Variants in MTA1 observed in about 807,000 individuals in gnomAD.
MTA1 encodes the protein metastasis-associated protein MTA1.
MTA1 carries 15 observed loss-of-function variants against 97.0 expected under a neutral mutation model. The ratio of observed to expected loss-of-function variants is 0.15; its 90% CI spans 0.10 to 0.24. The LOEUF is 0.24. MTA1 is among the 10% of genes least tolerant of loss of function. The pLI, the probability that MTA1 is intolerant of heterozygous loss-of-function variation, is 1.00. For missense variants in MTA1, 709 were observed against 1,015.1 expected, an observed-to-expected ratio of 0.70 and a Z score of 4.10; for synonymous variants, 435 against 417.5, an observed-to-expected ratio of 1.04 and a Z score of -0.51.
At chr14:105,423,903 G>C (rs898726015) in intron 1 of MTA1, among the ~76,000 whole-genome samples, 6 of 152,226 alleles carry the variant, frequency 3.9e-5, no homozygotes, top group African/African-American at 9.6e-5. Flanking sequence ...TGAGTGCACC[G>C]TGTCCCTAGG....
intron 6 of MTA1, among the ~76,000 whole-genome samples, chr14:105,453,150 G>A (rs1193931530): frequency 6.6e-6 from 1 of 152,268 alleles, no homozygotes; most frequent in Admixed American, 6.5e-5. Context: ...CAGCCTGGGG[G>A]CCCTGGTGTG....
intron 6 of MTA1, among the ~76,000 whole-genome samples, chr14:105,452,051 C>T (rs1317061012): frequency 1.4e-4 from 21 of 152,318 alleles, no homozygotes; most frequent in Non-Finnish European, 1.5e-4. Context: ...CTCTGCCTCC[C>T]GAACTGTTGG....
At chr14:105,454,104 C>T in intron 6 of MTA1, 89 bp from the exon 7 acceptor site, 1 of 983,920 alleles carries the variant, frequency 1.0e-6, no homozygotes, top group Non-Finnish European at 1.6e-6. Flanking sequence ...GCAAGACCCT[C>T]CCAGCAGCCC....
chr14:105,467,604 C>T, intron 18 of MTA1: 1 of 400,890 alleles, frequency 2.5e-6, no homozygotes, highest in South Asian at 1.8e-5. Flanking sequence ...CACCCCTGGC[C>T]TGTCCTTGCA....
At chr14:105,440,277 T>A (rs144912792) in intron 2 of MTA1, among the ~76,000 whole-genome samples, 1 of 152,370 alleles carries the variant, frequency 6.6e-6, no homozygotes, top group African/African-American at 2.4e-5. Context: ...GCATGTGGAC[T>A]GTAGGGAAAC....
intron 16 of MTA1, 115 bp downstream of exon 16, chr14:105,465,298 C>G (rs2083525557): frequency 1.1e-6 from 1 of 932,232 alleles, no homozygotes; most frequent in Non-Finnish European, 1.5e-6. Flanking sequence ...GGACAGCCCC[C>G]CAGGGCCTGG....
At chr14:105,462,287 C>G (rs1471774827) in intron 10 of MTA1, among the ~76,000 whole-genome samples, 1 of 152,206 alleles carries the variant, frequency 6.6e-6, no homozygotes, top group Non-Finnish European at 1.5e-5. Context: ...ATCCATGCCA[C>G]AGCCCGGGCG....
Position 105,470,216 on chromosome 14 carries a change from G to A in MTA1, c.*1G>A. The A allele has an allele frequency of 6.3e-7, 1 of 1,574,972 alleles. No homozygotes were observed. The highest frequency in any genetic ancestry group is 8.6e-7 in the Non-Finnish European group (1 of 1,164,174). On this transcript the variant is annotated 3_prime_UTR_variant, in exon 21 of 21. Coordinates refer to ENST00000331320, the MANE Select transcript of MTA1 (RefSeq NM_004689.4). ...CGAGCCCATCGTCATCGAGGACTAGGGGCCGCCCCCACCTGCGGCCGCCCC... is the reference window on the plus strand; with the variant it reads ...CGAGCCCATCGTCATCGAGGACTAGAGGCCGCCCCCACCTGCGGCCGCCCC...
chr14:105,433,046 A>G (rs1225186162), intron 1 of MTA1, among the ~76,000 whole-genome samples: 1 of 152,162 alleles, frequency 6.6e-6, no homozygotes, highest in South Asian at 2.1e-4. Context: ...TCAGTAATTC[A>G]CTAGGACTCA....
intron 2 of MTA1, among the ~76,000 whole-genome samples, chr14:105,441,275 T>C (rs1161479736): frequency 3.3e-5 from 5 of 152,102 alleles, no homozygotes; most frequent in Non-Finnish European, 7.4e-5. Flanking sequence ...CCCGCCCCTC[T>C]TGCCTCCTTG....
In MTA1 at chr14:105,424,074, T is replaced by C. The variant is rs2081935134; in HGVS notation, c.28+4011T>C. 6.6e-6 allele frequency among the ~76,000 whole-genome samples: 1 copy of C among 152,240 alleles called. No individual in the cohort carries two copies. Among genetic ancestry groups the C allele is most frequent in the African/African-American group, 2.4e-5 (1 of 41,460 alleles). On this transcript the variant is annotated intron_variant, in intron 1 of 20. Coordinates refer to ENST00000331320, the MANE Select transcript of MTA1 (RefSeq NM_004689.4). The surrounding 1 kb of genome is among the most constrained non-coding windows in gnomAD (Gnocchi z 4.0). ...TGTCCTGGAGGGGATGGCATGGGGCTGTCCCACTTGGCCTGTGAGGATCGG... is the reference window on the plus strand; with the variant it reads ...TGTCCTGGAGGGGATGGCATGGGGCCGTCCCACTTGGCCTGTGAGGATCGG...
chr14:105,463,946 TG>T lies in MTA1; in HGVS notation c.1077-84del. On this transcript the variant is annotated intron_variant, in intron 12 of 20. Coordinates refer to ENST00000331320, the MANE Select transcript of MTA1 (RefSeq NM_004689.4). The surrounding 1 kb of genome is among the most constrained non-coding windows in gnomAD (Gnocchi z 5.9). ...CGAGGACGTGGTTCTGGACAAGGGG[TG>T]GTCAGCCGCGGTGCCTGCTGGGCAC... 7.9e-7 allele frequency: 1 copy of T among 1,269,902 alleles called. No individual in the cohort carries two copies. The highest frequency in any genetic ancestry group is 1.1e-6 in the Non-Finnish European group (1 of 872,312). 78.7% of individuals were successfully genotyped at this position (1,269,902 alleles called of 1,614,324 possible).
intron 1 of MTA1, among the ~76,000 whole-genome samples, chr14:105,423,518 T>G (rs1474402750): frequency 6.6e-6 from 1 of 152,170 alleles, no homozygotes; most frequent in Non-Finnish European, 1.5e-5. Flanking sequence ...CCCGGCCTTT[T>G]TGTTTTAATT....
intron 1 of MTA1, among the ~76,000 whole-genome samples, chr14:105,430,855 C>T (rs1285093631): frequency 1.3e-5 from 2 of 152,158 alleles, no homozygotes; most frequent in East Asian, 3.8e-4. Flanking sequence ...ATTCACATTT[C>T]AGTGCTCAGA....
At chr14:105,450,467 G>C in intron 6 of MTA1, 143 bp downstream of exon 6, 1 of 932,728 alleles carries the variant, frequency 1.1e-6, no homozygotes, top group Non-Finnish European at 1.6e-6. Context: ...AGCGGGGATT[G>C]CGTCCTGACT....
In MTA1 at chr14:105,469,023, C is replaced by T. The variant is rs782400443; in HGVS notation, c.1814-444C>T. 14 of 364,882 alleles carry T rather than the reference C, an allele frequency of 3.8e-5. 1 individual carries two copies. The highest frequency in any genetic ancestry group is 2.1e-4 in the South Asian group (11 of 51,616). The allele number at this position is 364,882 out of a possible 1,614,324, so 22.6% of individuals were successfully genotyped here. A position where few individuals can be genotyped will look rare whatever the true frequency, so the allele number is the denominator to read the frequency against. ...GTGACCTGTTTCTGGCCGGGGCTGG[C>T]GGCTCTCTCAGAGCCTTAGGAAAAA... On this transcript the variant is annotated intron_variant, in intron 18 of 20. Transcript: ENST00000331320.
At chr14:105,452,150 T>C (rs1555428897) in intron 6 of MTA1, among the ~76,000 whole-genome samples, 3 of 152,224 alleles carry the variant, frequency 2.0e-5, no homozygotes, top group African/African-American at 7.2e-5. Context: ...GAATTTAATG[T>C]AACAGGCTCA....
intron 16 of MTA1, chr14:105,466,089 G>A (rs2141695901): frequency 3.4e-6 from 1 of 296,396 alleles, no homozygotes; most frequent in Non-Finnish European, 6.3e-6. Flanking sequence ...CCTGGACGTG[G>A]GGGCTGTTTA....
chr14:105,429,452 A>ATT (rs781947661), intron 1 of MTA1, among the ~76,000 whole-genome samples: 5 of 138,470 alleles, frequency 3.6e-5, no homozygotes, highest in Admixed American at 1.4e-4. Flanking sequence ...CACCCGGCTA[A>ATT]TTTTTTTTTT....
Sources: gnomAD v4.1 joint callset for allele counts (sites outside exome capture counted in the v4.1 genomes callset) on GRCh38, gnomAD v4.1.1 for gene constraint, Gnocchi (gnomAD v3.1) non-coding constraint, MANE v1.5 for transcripts, NCBI Gene and HGNC (gene_info 2026-07-23, HGNC 2026-07-21) for gene names.